Variants in L3MBTL4 observed in about 807,000 individuals in gnomAD.
L3MBTL4 encodes the protein lethal(3)malignant brain tumor-like protein 4.
In L3MBTL4, 70 loss-of-function variants were observed where a neutral mutation model predicts 84.5. The ratio of observed to expected loss-of-function variants is 0.83; its 90% CI spans 0.68 to 1.01. The LOEUF (loss-of-function observed/expected upper bound fraction) is 1.01. Ranked by LOEUF, L3MBTL4 falls within the 50% of genes least tolerant of loss-of-function variation. The pLI, the probability that L3MBTL4 is intolerant of heterozygous loss-of-function variation, is 0.00. For missense variants in L3MBTL4, 715 were observed against 754.8 expected (o/e 0.95, Z 0.62); for synonymous variants, 274 against 259.8 (o/e 1.05, Z -0.52).
chr18:6,287,590 C>T (rs893415437), intron 4 of L3MBTL4, among the ~76,000 whole-genome samples: 6 of 152,100 alleles, frequency 3.9e-5, no homozygotes, highest in Non-Finnish European at 8.8e-5. Context: ...ACGTGAAACT[C>T]CCATGTAAAT....
At chr18:6,022,515 A>C (rs540259442) in intron 16 of L3MBTL4, among the ~76,000 whole-genome samples, 10 of 152,306 alleles carry the variant, frequency 6.6e-5, no homozygotes, top group African/African-American at 2.2e-4. Context: ...CTGCCAACAG[A>C]TTATAGCTGA....
intron 16 of L3MBTL4, among the ~76,000 whole-genome samples, chr18:6,039,839 ACTG>A (rs1245731913): frequency 6.6e-6 from 1 of 152,242 alleles, no homozygotes; most frequent in African/African-American, 2.4e-5. Flanking sequence ...TGATTATGAT[ACTG>A]CTGATTGAAA....
intron 16 of L3MBTL4, among the ~76,000 whole-genome samples, chr18:6,001,890 C>T (rs2054231995): frequency 6.6e-6 from 1 of 152,040 alleles, no homozygotes; most frequent in Non-Finnish European, 1.5e-5. Flanking sequence ...GAAACAATGG[C>T]TAAAAGCTTC....
chr18:6,268,600 A>G lies in L3MBTL4; in HGVS notation c.128-4562T>C, dbSNP rs145337062. Among the ~76,000 whole-genome samples the G allele has an allele frequency of 4.2e-3, 635 of 152,296 alleles. 5 individuals carry two copies. Among genetic ancestry groups the G allele is most frequent in the African/African-American group, 0.015 (606 of 41,562 alleles). ...TTTCTGCTGTTTTCTCAGACATACT[A>G]CAGATATGGCACTCATTTTATGGAA... On this transcript the variant is annotated intron_variant, in intron 4 of 18. Coordinates refer to ENST00000317931, the MANE Select transcript of L3MBTL4 (RefSeq NM_001330559.2).
intron 14 of L3MBTL4, among the ~76,000 whole-genome samples, chr18:6,121,722 G>GTGTGTA (rs1555660827): frequency 0.015 from 2,152 of 143,546 alleles, 14 homozygotes; most frequent in Admixed American, 0.017. Flanking sequence ...GTGTGTGTAT[G>GTGTGTA]TGTGTGTGCA....
intron 18 of L3MBTL4, among the ~76,000 whole-genome samples, chr18:5,958,157 GAAC>G (rs200061764): frequency 6.9e-4 from 46 of 66,216 alleles, no homozygotes; most frequent in African/African-American, 2.5e-3. Context: ...AGAAGAAGAA[GAAC>G]AAGAAGAAGA....
At chr18:6,131,562 A>C (rs2059877416) in intron 14 of L3MBTL4, among the ~76,000 whole-genome samples, 1 of 152,186 alleles carries the variant, frequency 6.6e-6, no homozygotes. Flanking sequence ...TACTCATTTA[A>C]ATTCATTAGG....
At chr18:6,357,467 C>T (rs549602059) in intron 1 of L3MBTL4, among the ~76,000 whole-genome samples, 1 of 152,262 alleles carries the variant, frequency 6.6e-6, no homozygotes, top group East Asian at 1.9e-4. Flanking sequence ...CCAGCCACCC[C>T]CATCATCCCC....
intron 16 of L3MBTL4, among the ~76,000 whole-genome samples, chr18:5,998,088 T>C (rs1186783378): frequency 1.3e-5 from 2 of 152,232 alleles, no homozygotes; most frequent in Middle Eastern, 3.2e-3. Flanking sequence ...TGGTTTTTCA[T>C]GGTGCTTCCT....
At chr18:6,058,032 G>C (rs1456687270) in intron 16 of L3MBTL4, among the ~76,000 whole-genome samples, 2 of 152,044 alleles carry the variant, frequency 1.3e-5, no homozygotes, top group Non-Finnish European at 2.9e-5. Flanking sequence ...AAGTATGCTG[G>C]AACCAGCAAC....
rs1412852932 is a variant in L3MBTL4 at position 6,333,180 on chromosome 18, A to G, written c.-90-21124T>C. ...TTAAGAGCTGCCACAAAATAAAAGTATGAAAACTTTCAAGGGTAGGAATCA... is the reference window on the plus strand; with the variant it reads ...TTAAGAGCTGCCACAAAATAAAAGTGTGAAAACTTTCAAGGGTAGGAATCA... On this transcript the variant is annotated intron_variant, in intron 1 of 18. Coordinates refer to ENST00000317931, the MANE Select transcript of L3MBTL4 (RefSeq NM_001330559.2). 4.6e-5 allele frequency among the ~76,000 whole-genome samples: 7 copies of G among 152,226 alleles called. No individual in the cohort carries two copies. The South Asian group carries it at 1.0e-3, about 23-fold the overall frequency.
intron 13 of L3MBTL4, 79 bp downstream of exon 13, chr18:6,171,749 A>G (rs755767385): frequency 2.7e-5 from 21 of 767,878 alleles, no homozygotes; most frequent in Non-Finnish European, 4.0e-5. Context: ...AAATGCCTGT[A>G]ATGGCATGAA....
At chr18:6,193,904 G>A (rs771975085) in intron 12 of L3MBTL4, among the ~76,000 whole-genome samples, 4 of 152,154 alleles carry the variant, frequency 2.6e-5, no homozygotes, top group Non-Finnish European at 5.9e-5. Flanking sequence ...GCACACCAGG[G>A]AATAGCAGGA....
At chr18:5,978,247 T>A (rs2053043687) in intron 16 of L3MBTL4, among the ~76,000 whole-genome samples, 2 of 152,186 alleles carry the variant, frequency 1.3e-5, no homozygotes, top group South Asian at 4.1e-4. Flanking sequence ...CTCCTCAATT[T>A]CATACACGAG....
At chr18:6,230,172 C>T (rs980508675) in intron 10 of L3MBTL4, among the ~76,000 whole-genome samples, 8 of 152,014 alleles carry the variant, frequency 5.3e-5, no homozygotes, top group Non-Finnish European at 1.0e-4. Flanking sequence ...ATCATTTCAT[C>T]ACTCAGGTAA....
intron 14 of L3MBTL4, among the ~76,000 whole-genome samples, chr18:6,118,973 G>T (rs570079953): frequency 6.8e-6 from 1 of 147,278 alleles, no homozygotes; most frequent in Non-Finnish European, 1.5e-5. Context: ...TAATAGATTT[G>T]GCACAGTTTT....
intron 13 of L3MBTL4, among the ~76,000 whole-genome samples, chr18:6,150,987 A>G (rs1013105219): frequency 1.3e-5 from 2 of 152,190 alleles, no homozygotes; most frequent in Non-Finnish European, 2.9e-5. Context: ...ATCCCAGTAC[A>G]GACTACAGCA....
chr18:6,347,800 G>T (rs554002444), intron 1 of L3MBTL4, among the ~76,000 whole-genome samples: 80 of 151,818 alleles, frequency 5.3e-4, no homozygotes, highest in Admixed American at 1.4e-3. Flanking sequence ...TATTACACTA[G>T]ATGTCCTAAC....
chr18:5,992,790 G>A (rs2053764064), intron 16 of L3MBTL4, among the ~76,000 whole-genome samples: 2 of 152,170 alleles, frequency 1.3e-5, no homozygotes, highest in South Asian at 4.1e-4. Flanking sequence ...ATGAGTAAAA[G>A]CTCCCTGAGG....
Sources: gnomAD v4.1 joint callset for allele counts (sites outside exome capture counted in the v4.1 genomes callset) on GRCh38, gnomAD v4.1.1 for gene constraint, MANE v1.5 for transcripts, NCBI Gene and HGNC (gene_info 2026-07-23, HGNC 2026-07-21) for gene names.